The following ACER3 variants were observed in gnomAD, a reference collection of about 807,000 sequenced individuals.
ACER3 encodes alkCDase 3.
In ACER3, 16 loss-of-function variants were observed where a neutral mutation model predicts 48.9. That is an observed-to-expected ratio of 0.33 (90% CI 0.22 to 0.50). The LOEUF (loss-of-function observed/expected upper bound fraction) is 0.50, where lower values mean the gene tolerates loss of function less well. Among genes scored for constraint, ACER3 ranks in the 20% least tolerant of loss-of-function variants. The pLI is 0.98. For synonymous variants in ACER3, 109 were observed against 107.8 expected (o/e 1.01, Z -0.07); for missense variants, 227 against 326.0 (o/e 0.70, Z 2.34).
intron 5 of ACER3, among the ~76,000 whole-genome samples, chr11:76,989,511 A>T (rs986036330): frequency 2.0e-5 from 3 of 152,202 alleles, no homozygotes; most frequent in African/African-American, 7.2e-5. Context: ...AAAAGGCTTC[A>T]AGAAGGAGGT....
At chr11:77,000,320 T>C (rs1488235997) in intron 7 of ACER3, among the ~76,000 whole-genome samples, 1 of 152,216 alleles carries the variant, frequency 6.6e-6, no homozygotes, top group South Asian at 2.1e-4. Context: ...ACAGTTGAGT[T>C]GTGAGATTCT....
chr11:76,975,472 G>T (rs559152645), intron 3 of ACER3, among the ~76,000 whole-genome samples: 2 of 151,750 alleles, frequency 1.3e-5, no homozygotes, highest in East Asian at 3.9e-4. Context: ...ATTTCTCAGA[G>T]GTATACTTTA....
At position 77,024,616 on chromosome 11, in the gene ACER3, T is replaced by C. The variant is rs1555025328; in HGVS notation, c.*4289T>C. On this transcript the variant is annotated 3_prime_UTR_variant, in exon 11 of 11. Coordinates refer to ENST00000532485, the MANE Select transcript of ACER3 (RefSeq NM_018367.7). ...TTCTCTGATAGGCCAGCAGAGCAGC[T>C]AAGGAGAAGACAGATCATTCAAGAA... 1 of 152,236 alleles carries C rather than the reference T, an allele frequency of 6.6e-6. No individual in the cohort carries two copies. Among genetic ancestry groups the C allele is most frequent in the African/African-American group, 2.4e-5 (1 of 41,468 alleles). 9.4% of individuals were successfully genotyped at this position (152,236 alleles called of 1,614,324 possible).
At chr11:76,879,142 G>T (rs1945461274) in intron 1 of ACER3, among the ~76,000 whole-genome samples, 1 of 151,962 alleles carries the variant, frequency 6.6e-6, no homozygotes, top group African/African-American at 2.4e-5. Context: ...TTTTTTTGAT[G>T]AGAAGTAGTA....
chr11:76,967,984 A>G (rs1948184034), intron 3 of ACER3, among the ~76,000 whole-genome samples: 1 of 152,218 alleles, frequency 6.6e-6, no homozygotes, highest in African/African-American at 2.4e-5. Flanking sequence ...TTCAATTAGG[A>G]AAAGAGGAAG....
chr11:76,889,524 G>C (rs1945755179), intron 1 of ACER3, among the ~76,000 whole-genome samples: 1 of 152,140 alleles, frequency 6.6e-6, no homozygotes, highest in African/African-American at 2.4e-5. Flanking sequence ...AAGTGCATCA[G>C]ATGATCAGTA....
rs1194957228 is a variant in ACER3, at chr11:76,861,119, A to G, written c.103+40A>G. On this transcript the variant is annotated intron_variant, in intron 1 of 10. Coordinates refer to ENST00000532485, the MANE Select transcript of ACER3 (RefSeq NM_018367.7). ...AGGAGGGGAGTGGGGGCGAGAGGGCACCGGGCTGAGGAGACGCCGTGTGAG... is the reference window on the plus strand; with the variant it reads ...AGGAGGGGAGTGGGGGCGAGAGGGCGCCGGGCTGAGGAGACGCCGTGTGAG... 7.2e-6 allele frequency: 11 copies of G among 1,521,230 alleles called. No individual in the cohort carries two copies. In the Admixed American group the frequency reaches 2.2e-4, roughly 30 times the overall value. The allele number at this position is 1,521,230 out of a possible 1,614,324, so 94.2% of individuals were successfully genotyped here.
At chr11:76,934,568 G>T (rs113889536) in intron 2 of ACER3, among the ~76,000 whole-genome samples, 16,423 of 152,242 alleles carry the variant, frequency 0.11, 2,931 homozygotes, top group African/African-American at 0.37. Flanking sequence ...GCCTGCAATC[G>T]CAGGCACTCG....
intron 3 of ACER3, among the ~76,000 whole-genome samples, chr11:76,967,034 A>T (rs1457860146): frequency 6.6e-6 from 1 of 152,190 alleles, no homozygotes; most frequent in African/African-American, 2.4e-5. Context: ...TTTTTTGAAA[A>T]GATCAACAAA....
intron 2 of ACER3, among the ~76,000 whole-genome samples, chr11:76,939,714 G>A (rs1462505273): frequency 6.6e-6 from 1 of 152,186 alleles, no homozygotes; most frequent in East Asian, 1.9e-4. Flanking sequence ...ATGAAATTAA[G>A]AGAATATAAC....
At chr11:76,926,111 A>G (rs1268708848) in intron 1 of ACER3, among the ~76,000 whole-genome samples, 2 of 152,252 alleles carry the variant, frequency 1.3e-5, no homozygotes, top group African/African-American at 4.8e-5. Context: ...TTAAAGAGAC[A>G]CACAAAATGT....
At chr11:77,017,244 A>G (rs1291651661) in intron 9 of ACER3, among the ~76,000 whole-genome samples, 2 of 152,162 alleles carry the variant, frequency 1.3e-5, no homozygotes, top group Non-Finnish European at 2.9e-5. Flanking sequence ...CCTTAGCAAG[A>G]CTAACAAAAA....
intron 1 of ACER3, among the ~76,000 whole-genome samples, chr11:76,870,658 C>A (rs1945220804): frequency 1.3e-5 from 2 of 152,100 alleles, no homozygotes; most frequent in African/African-American, 4.8e-5. Context: ...GTCACTCTTA[C>A]ATAAATTTTA....
intron 1 of ACER3, among the ~76,000 whole-genome samples, chr11:76,881,227 C>A (rs1945516964): frequency 6.7e-6 from 1 of 148,936 alleles, no homozygotes; most frequent in Non-Finnish European, 1.5e-5. Flanking sequence ...TGCACTCCGG[C>A]CTGGATGACA....
Position 76,914,771 on chromosome 11 carries a change from C to G in ACER3, c.104-11786C>G, listed in dbSNP as rs140421337. On this transcript the variant is annotated intron_variant, in intron 1 of 10. Transcript: ENST00000532485. ...CGTATGTTTGTTGTGGCACTATTCA[C>G]AATAGCAAAGACTTGGAACCAACCC... Among the ~76,000 whole-genome samples the G allele has an allele frequency of 9.9e-3, 1,511 of 152,142 alleles. 31 individuals are homozygous for G. The highest frequency in any genetic ancestry group is 0.035 in the African/African-American group (1,449 of 41,504).
intron 3 of ACER3, chr11:76,959,321 A>G: frequency 2.2e-6 from 2 of 905,604 alleles, no homozygotes; most frequent in Non-Finnish European, 3.0e-6. Flanking sequence ...TTAAAAAGAC[A>G]TAATCAGTTC....
At chr11:76,967,707 T>C (rs1474009782) in intron 3 of ACER3, among the ~76,000 whole-genome samples, 1 of 152,306 alleles carries the variant, frequency 6.6e-6, no homozygotes, top group South Asian at 2.1e-4. Context: ...GTTATCACAA[T>C]AGATGCAGCA....
chr11:76,901,666 G>A (rs1225929519), intron 1 of ACER3, among the ~76,000 whole-genome samples: 2 of 152,190 alleles, frequency 1.3e-5, no homozygotes, highest in Non-Finnish European at 2.9e-5. Flanking sequence ...CTCTAAGGGG[G>A]TGCATGCAAG....
chr11:76,940,798 G>C (rs555043569), intron 2 of ACER3, among the ~76,000 whole-genome samples: 78 of 152,238 alleles, frequency 5.1e-4, no homozygotes, highest in Middle Eastern at 3.4e-3. Context: ...CTTCCTAAAA[G>C]TAGGGTTGAG....
Sources: allele counts gnomAD v4.1 joint callset (sites outside exome capture counted in the v4.1 genomes callset), GRCh38; gene constraint gnomAD v4.1.1; transcripts MANE v1.5; gene names NCBI Gene and HGNC (gene_info 2026-07-23, HGNC 2026-07-21).